XPO7: variants seen among roughly 807,000 people sequenced by gnomAD.
XPO7 encodes exportin 7.
A neutral mutation model predicts 144.3 loss-of-function variants in XPO7; 21 were observed. The ratio of observed to expected loss-of-function variants is 0.15; its 90% CI spans 0.10 to 0.21. XPO7 has a LOEUF of 0.21. XPO7 is among the 10% of genes least tolerant of loss of function. XPO7 has a pLI of 1.00. For missense variants in XPO7, 808 were observed against 1,325.8 expected (o/e 0.61, Z 6.06); for synonymous variants, 580 against 499.6 (o/e 1.16, Z -2.15).
At chr8:21,979,840 G>A (rs966357531) in intron 8 of XPO7, among the ~76,000 whole-genome samples, 2 of 152,142 alleles carry the variant, frequency 1.3e-5, no homozygotes, top group East Asian at 1.9e-4. Flanking sequence ...GTGAAATAAC[G>A]TATCTCAGCA....
Position 21,990,163 on chromosome 8 carries a change from C to G in XPO7, c.1869-181C>G, listed in dbSNP as rs528397411. On this transcript the variant is annotated intron_variant, in intron 16 of 27. Transcript: ENST00000252512. ...CGCGCCCGGCCAGTATAGGTGTTTT[C>G]TTACTGATTAAATAGTGCTTAGAAG... 5.3e-5 allele frequency among the ~76,000 whole-genome samples: 8 copies of G among 152,040 alleles called. No homozygotes were observed. In the East Asian group the frequency reaches 1.5e-3, roughly 29 times the overall value.
intron 1 of XPO7, among the ~76,000 whole-genome samples, chr8:21,959,721 A>G (rs1478581113): frequency 6.6e-6 from 1 of 152,228 alleles, no homozygotes; most frequent in Non-Finnish European, 1.5e-5. Flanking sequence ...CTCATTCACT[A>G]ATATAATTAA....
chr8:21,938,128 G>T (rs533936032), intron 1 of XPO7, among the ~76,000 whole-genome samples: 16 of 152,106 alleles, frequency 1.1e-4, no homozygotes, highest in Admixed American at 6.5e-4. Context: ...ATTCCTCAGG[G>T]TTGTCTTCTT....
At chr8:21,929,631 G>A (rs988815073) in intron 1 of XPO7, among the ~76,000 whole-genome samples, 5 of 152,184 alleles carry the variant, frequency 3.3e-5, no homozygotes, top group South Asian at 2.1e-4. Flanking sequence ...ACTAGCAATC[G>A]TAGTTCTCTT....
intron 5 of XPO7, among the ~76,000 whole-genome samples, chr8:21,973,648 A>G (rs1313484204): frequency 6.6e-6 from 1 of 152,252 alleles, no homozygotes; most frequent in African/African-American, 2.4e-5. Flanking sequence ...TGTGGAAAAA[A>G]CAAAATGAGT....
chr8:21,999,794 A>C (rs1813077309), intron 24 of XPO7, 120 bp downstream of exon 24: 1 of 1,310,130 alleles, frequency 7.6e-7, no homozygotes, highest in Non-Finnish European at 1.1e-6. Context: ...GGGTTTGGCC[A>C]TAACAATAGA....
At position 21,927,928 on chromosome 8, in the gene XPO7, G is replaced by C. The variant is rs186111942; in HGVS notation, c.18+8140G>C. On this transcript the variant is annotated intron_variant, in intron 1 of 27. Transcript: ENST00000252512. ...CAAAAGTGGATATTTGGTTCATAGA[G>C]ATTACTGTTGTGTAAATCTGTTGCC... is the stretch of plus-strand genomic sequence containing the variant. Among the ~76,000 whole-genome samples the C allele has an allele frequency of 4.3e-3, 649 of 152,308 alleles. 3 individuals carry two copies. Among genetic ancestry groups the C allele is most frequent in the African/African-American group, 0.015 (622 of 41,562 alleles).
At chr8:21,993,080 T>G (rs1162770919) in intron 19 of XPO7, among the ~76,000 whole-genome samples, 1 of 152,162 alleles carries the variant, frequency 6.6e-6, no homozygotes, top group Non-Finnish European at 1.5e-5. Context: ...CCCCTAATTA[T>G]ACTTGTATTT....
rs570002946 is a variant in XPO7 at position 21,988,239 on chromosome 8, T to C, written c.1787+382T>C. ...CTTTCTGTTGCTGATTTCCTCTCGT[T>C]ATCCCCTCGAAGGGGAAAGCCCCAC... is the stretch of plus-strand genomic sequence containing the variant. On this transcript the variant is annotated intron_variant, in intron 15 of 27. Transcript: ENST00000252512. 2.0e-5 allele frequency: 4 copies of C among 196,818 alleles called. No homozygotes were observed. The South Asian group carries it at 3.8e-4, about 19-fold the overall frequency. The allele number at this position is 196,818 out of a possible 1,614,324, so 12.2% of individuals were successfully genotyped here. A position where few individuals can be genotyped will look rare whatever the true frequency, so the allele number is the denominator to read the frequency against.
At chr8:21,942,679 G>A (rs1440289661) in intron 1 of XPO7, among the ~76,000 whole-genome samples, 3 of 152,158 alleles carry the variant, frequency 2.0e-5, no homozygotes, top group African/African-American at 7.2e-5. Context: ...TGATAGTTTT[G>A]TAAAGGTTAA....
intron 1 of XPO7, among the ~76,000 whole-genome samples, chr8:21,944,456 A>G (rs951527369): frequency 6.6e-6 from 1 of 152,052 alleles, no homozygotes; most frequent in African/African-American, 2.4e-5. Flanking sequence ...AATCCCAGCT[A>G]CTCGGGAGGC....
intron 1 of XPO7, among the ~76,000 whole-genome samples, chr8:21,947,515 A>G (rs960775768): frequency 3.3e-5 from 5 of 152,218 alleles, no homozygotes; most frequent in African/African-American, 4.8e-5. Flanking sequence ...CAACCTTACT[A>G]ATACCATCAC....
At position 21,984,697 on chromosome 8, in the gene XPO7, G is replaced by A; in HGVS notation, c.1329G>A (p.Leu443=). The change falls in exon 12 of 28, where the codon TTG becomes TTA. Residue 443 remains leucine, a synonymous_variant. Coordinates refer to ENST00000252512, the MANE Select transcript of XPO7 (RefSeq NM_015024.5). ...ATACGGGGCTGGTCCAGCAGCAGTTGGACCAGCTGTCCACCATTGGGCGTT... is the reference window on the plus strand; with the variant it reads ...ATACGGGGCTGGTCCAGCAGCAGTTAGACCAGCTGTCCACCATTGGGCGTT... ...LEDTGLVQQQ[L]DQLSTIGRCE... is the part of the protein sequence containing the mutation. The A allele has an allele frequency of 6.2e-7, 1 of 1,613,896 alleles. No homozygotes were observed.
chr8:21,948,549 G>A (rs1811266576), intron 1 of XPO7, among the ~76,000 whole-genome samples: 1 of 152,126 alleles, frequency 6.6e-6, no homozygotes, highest in Admixed American at 6.5e-5. Context: ...CGCAAGGCAT[G>A]ACTATACTTT....
rs117975356 is a variant in XPO7, at chr8:21,994,609, A to C, written c.2237+158A>C. Among the ~76,000 whole-genome samples, 1,192 of 152,292 alleles carry C rather than the reference A, an allele frequency of 7.8e-3. 8 individuals carry two copies. The highest frequency in any genetic ancestry group is 0.016 in the South Asian group (79 of 4,832). ...CTGCATGTGTCCTGGAAGCCACCTT[A>C]TGACAGACATAAGGTTGTCTGAGAT... is the stretch of plus-strand genomic sequence containing the variant. On this transcript the variant is annotated intron_variant, in intron 20 of 27. Transcript: ENST00000252512.
At chr8:21,946,402 A>C (rs539919162) in intron 1 of XPO7, among the ~76,000 whole-genome samples, 2 of 152,172 alleles carry the variant, frequency 1.3e-5, no homozygotes, top group African/African-American at 4.8e-5. Flanking sequence ...AACTCAGTGA[A>C]TAGATTAGCA....
intron 1 of XPO7, among the ~76,000 whole-genome samples, chr8:21,943,098 C>G (rs945975619): frequency 1.8e-4 from 28 of 152,178 alleles, no homozygotes. Flanking sequence ...AATAGCTTAG[C>G]TCTTACAGAC....
intron 27 of XPO7, among the ~76,000 whole-genome samples, 166 bp downstream of exon 27, chr8:22,004,196 A>C (rs998323427): frequency 6.6e-6 from 1 of 152,228 alleles, no homozygotes. Context: ...ATTCATTTTA[A>C]TAATATATTT....
At chr8:21,940,080 C>T (rs193115817) in intron 1 of XPO7, among the ~76,000 whole-genome samples, 1 of 152,212 alleles carries the variant, frequency 6.6e-6, no homozygotes, top group Admixed American at 6.5e-5. Context: ...AAATCTAGTC[C>T]TTAGTAGCCA....
Sources: allele counts gnomAD v4.1 joint callset (sites outside exome capture counted in the v4.1 genomes callset), GRCh38; gene constraint gnomAD v4.1.1; transcripts MANE v1.5; gene names NCBI Gene and HGNC (gene_info 2026-07-23, HGNC 2026-07-21).